Variants in PRCD observed in about 807,000 individuals in gnomAD.
The protein encoded by PRCD is photoreceptor disk component PRCD.
A neutral mutation model predicts 10.1 loss-of-function variants in PRCD; 12 were observed. That is an observed-to-expected ratio of 1.18 (90% CI 0.76 to 1.92). PRCD has a LOEUF of 1.92. Ranked by LOEUF, PRCD falls within the 40% of genes most tolerant of loss-of-function variation. PRCD has a pLI of 0.00. For missense variants in PRCD, 61 were observed against 72.2 expected, an observed-to-expected ratio of 0.84 and a Z score of 0.56; for synonymous variants, 31 against 26.2, an observed-to-expected ratio of 1.18 and a Z score of -0.56.
At position 76,528,329 on chromosome 17, in the gene PRCD, T is replaced by C; in HGVS notation, n.45+496T>C. 5 of 402,776 alleles carry C rather than the reference T, an allele frequency of 1.2e-5. No homozygotes were observed. The highest frequency in any genetic ancestry group is 2.2e-5 in the Non-Finnish European group (5 of 228,940). The allele number at this position is 402,776 out of a possible 1,614,324, so 25.0% of individuals were successfully genotyped here. ...GCTCAGCTAGGTCTCTCTCTAACAGTGAGTAGAAAAGCTAAGAAGAGTGGG... is the reference window on the plus strand; with the variant it reads ...GCTCAGCTAGGTCTCTCTCTAACAGCGAGTAGAAAAGCTAAGAAGAGTGGG... On this transcript the variant is annotated intron_variant and non_coding_transcript_variant, in intron 1 of 4. Coordinates refer to the PRCD transcript ENST00000397633. The surrounding 1 kb of genome is among the most constrained non-coding windows in gnomAD (Gnocchi z 5.8).
downstream of PRCD, among the ~76,000 whole-genome samples, chr17:76,548,921 T>TG (rs1245396347): frequency 6.6e-6 from 1 of 152,158 alleles, no homozygotes; most frequent in African/African-American, 2.4e-5. Flanking sequence ...GACTGTGCCT[T>TG]GGGGAGGGGA....
Position 76,530,205 on chromosome 17 carries a change from A to C in PRCD, n.45+2372A>C. ...CGCCTCCGCTCCTCTCCTCCTTCCT[A>C]CTCCAGCCCTGCCTCCGCCTCTCCA... On this transcript the variant is annotated intron_variant and non_coding_transcript_variant, in intron 1 of 4. Coordinates refer to the PRCD transcript ENST00000397633. The surrounding 1 kb of genome is among the most constrained non-coding windows in gnomAD (Gnocchi z 6.1). 6.7e-6 allele frequency among the ~76,000 whole-genome samples: 1 copy of C among 149,412 alleles called. No homozygotes were observed. Among genetic ancestry groups the C allele is most frequent in the Admixed American group, 6.6e-5 (1 of 15,058 alleles).
Position 76,528,745 on chromosome 17 carries a change from AC to A in PRCD, n.45+914del. ...ATCCGGCACAGTGCAGTTGAAAGCAACCGTGAGACCCAAGTTCTAGTCTCCG... is the reference window on the plus strand; with the variant it reads ...ATCCGGCACAGTGCAGTTGAAAGCAACGTGAGACCCAAGTTCTAGTCTCCG... On this transcript the variant is annotated intron_variant and non_coding_transcript_variant, in intron 1 of 4. Transcript: ENST00000397633. This position sits in a 1 kb window ranked among gnomAD's most constrained non-coding sequence, Gnocchi z 5.8. 1 of 1,038,306 alleles carries A rather than the reference AC, an allele frequency of 9.6e-7. No individual in the cohort carries two copies. Among genetic ancestry groups the A allele is most frequent in the Non-Finnish European group, 1.2e-6 (1 of 800,796 alleles). 64.3% of individuals were successfully genotyped at this position (1,038,306 alleles called of 1,614,324 possible).
At chr17:76,548,042 G>A (rs1020765429), downstream of PRCD, among the ~76,000 whole-genome samples, 11 of 146,896 alleles carry the variant, frequency 7.5e-5, no homozygotes, top group Non-Finnish European at 1.2e-4. Flanking sequence ...ACACATATAC[G>A]AACATTCACA....
chr17:76,549,412 C>A (rs1376587335), downstream of PRCD, among the ~76,000 whole-genome samples: 1 of 152,228 alleles, frequency 6.6e-6, no homozygotes, highest in African/African-American at 2.4e-5. Flanking sequence ...ACTCCACATG[C>A]AAATCAAAAG....
chr17:76,529,668 C>G (rs375770500), intron 1 of PRCD: 3 of 985,430 alleles, frequency 3.0e-6, no homozygotes. Flanking sequence ...GGCAAGCCCC[C>G]TCCCCTCCTC....
intron 1 of PRCD, chr17:76,552,024 T>TA (rs1243679559): frequency 6.6e-6 from 1 of 152,152 alleles, no homozygotes; most frequent in African/African-American, 2.4e-5. Flanking sequence ...ACATAGCTGT[T>TA]ATGATTTCCG....
rs1434219470 is a variant in PRCD, at chr17:76,530,601, G to C, written n.45+2768G>C. ...GCCCCTTGTGATTGGCACCCAGGGA[G>C]GAAGTGGCTGGGCTGACCTGGGCTG... On this transcript the variant is annotated intron_variant and non_coding_transcript_variant, in intron 1 of 4. Coordinates refer to the PRCD transcript ENST00000397633. The surrounding 1 kb of genome is among the most constrained non-coding windows in gnomAD (Gnocchi z 6.1). Among the ~76,000 whole-genome samples, 1 of 152,144 alleles carries C rather than the reference G, an allele frequency of 6.6e-6. No individual in the cohort carries two copies. Among genetic ancestry groups the C allele is most frequent in the African/African-American group, 2.4e-5 (1 of 41,400 alleles).
At position 76,528,422 on chromosome 17, in the gene PRCD, G is replaced by C. The variant is rs764657629; in HGVS notation, n.45+589G>C. 1.5e-6 allele frequency: 1 copy of C among 658,626 alleles called. No homozygotes were observed. The highest frequency in any genetic ancestry group is 2.2e-6 in the Non-Finnish European group (1 of 455,630). The allele number at this position is 658,626 out of a possible 1,614,324, so 40.8% of individuals were successfully genotyped here. ...AGCGCCGCCTCCCAGCAGCTCCAGG[G>C]GGGGACCCTGGCCGCCACAGAGGCC... is the stretch of plus-strand genomic sequence containing the variant. On this transcript the variant is annotated intron_variant and non_coding_transcript_variant, in intron 1 of 4. Transcript: ENST00000397633. The surrounding 1 kb of genome is among the most constrained non-coding windows in gnomAD (Gnocchi z 5.8).
chr17:76,541,518 G>A (rs969026392), intron 2 of PRCD, among the ~76,000 whole-genome samples: 3 of 152,140 alleles, frequency 2.0e-5, no homozygotes, highest in Admixed American at 6.6e-5. Flanking sequence ...GAGAACTTCC[G>A]TCTTTCTGTC....
chr17:76,534,401 A>T (rs1409462507), intron 1 of PRCD, among the ~76,000 whole-genome samples: 1 of 151,796 alleles, frequency 6.6e-6, no homozygotes, highest in Non-Finnish European at 1.5e-5. Context: ...CTGGTGTCGA[A>T]CTCCTGACCT....
chr17:76,527,616 G>C, upstream of PRCD: 1 of 453,548 alleles, frequency 2.2e-6, no homozygotes, highest in Non-Finnish European at 4.4e-6. Flanking sequence ...GCCAGGAGGA[G>C]GGTGGGGTGG....
chr17:76,545,296 C>G lies in PRCD; in HGVS notation c.*1646C>G. 2.2e-6 allele frequency: 1 copy of G among 456,752 alleles called. No individual in the cohort carries two copies. The highest frequency in any genetic ancestry group is 4.4e-6 in the Non-Finnish European group (1 of 226,968). 28.3% of individuals were successfully genotyped at this position (456,752 alleles called of 1,614,324 possible). A position where few individuals can be genotyped will look rare whatever the true frequency, so the allele number is the denominator to read the frequency against. ...GTGCCCCTTCCTTGGCCCACTGGCT[C>G]CCATCACAGGGCTTAGTGTGAAGCT... On this transcript the variant is annotated 3_prime_UTR_variant, in exon 5 of 5. Transcript: ENST00000592014.
At chr17:76,538,882 C>A (rs1011501263), upstream of PRCD, among the ~76,000 whole-genome samples, 9 of 152,254 alleles carry the variant, frequency 5.9e-5, no homozygotes, top group Admixed American at 2.0e-4. Flanking sequence ...TGTCCCATTG[C>A]CCAAGCATTG....
chr17:76,531,325 G>A lies in PRCD; in HGVS notation n.45+3492G>A, dbSNP rs552555337. 8.0e-6 allele frequency: 10 copies of A among 1,246,732 alleles called. No homozygotes were observed. The highest frequency in any genetic ancestry group is 2.9e-5 in the South Asian group (2 of 68,466). The allele number at this position is 1,246,732 out of a possible 1,614,324, so 77.2% of individuals were successfully genotyped here. On this transcript the variant is annotated intron_variant and non_coding_transcript_variant, in intron 1 of 4. Coordinates refer to the PRCD transcript ENST00000397633. This position sits in a 1 kb window ranked among gnomAD's most constrained non-coding sequence, Gnocchi z 7.4. ...GACCCAGCCCCTCCATCCTGCTGCC[G>A]GGCACTGCCCCTCCCTCTCGCAGCC...
upstream of PRCD, chr17:76,538,431 G>T (rs1182146373): frequency 2.2e-6 from 1 of 456,878 alleles, no homozygotes; most frequent in East Asian, 7.7e-5. Flanking sequence ...CTTCCGCCCA[G>T]CACCTCCATG....
At chr17:76,543,003 T>C (rs994289047) in intron 3 of PRCD, 26 bp from the exon 4 acceptor site, 3 of 484,376 alleles carry the variant, frequency 6.2e-6, no homozygotes, top group African/African-American at 3.9e-5. Flanking sequence ...GGAGAAGTGC[T>C]GATCTGCTCT....
At chr17:76,534,099 TTTTCTTTCTTTCTTC>T (rs2074882182) in intron 1 of PRCD, among the ~76,000 whole-genome samples, 1 of 76,036 alleles carries the variant, frequency 1.3e-5, no homozygotes, top group African/African-American at 3.4e-5. Flanking sequence ...CCTTTTTTCT[TTTTCTTTCTTTCTTC>T]TTTCTTTCTT....
chr17:76,550,608 G>A (rs920329285), intron 1 of PRCD: 1 of 152,216 alleles, frequency 6.6e-6, no homozygotes, highest in Non-Finnish European at 1.5e-5. Context: ...TCTTAACTGG[G>A]ATTGTGGTTA....
Sources: gnomAD v4.1 joint callset for allele counts (sites outside exome capture counted in the v4.1 genomes callset) on GRCh38, gnomAD v4.1.1 for gene constraint, Gnocchi (gnomAD v3.1) non-coding constraint, MANE v1.5 for transcripts, NCBI Gene and HGNC (gene_info 2026-07-23, HGNC 2026-07-21) for gene names.